The following RMDN1 variants were observed in gnomAD, a reference collection of about 807,000 sequenced individuals.
RMDN1 encodes regulator of microtubule dynamics protein 1.
A neutral mutation model predicts 48.9 loss-of-function variants in RMDN1; 48 were observed. That is an observed-to-expected ratio of 0.98 (90% CI 0.78 to 1.25). The LOEUF is 1.25. Ranked by LOEUF, RMDN1 falls within the 50% of genes most tolerant of loss-of-function variation. The probability of loss-of-function intolerance (pLI) is 0.00; values close to 1 mark genes in which losing one functional copy is unlikely to be tolerated. For synonymous variants in RMDN1, 148 were observed against 132.6 expected, an observed-to-expected ratio of 1.12 and a Z score of -0.80; for missense variants, 418 against 373.4, an observed-to-expected ratio of 1.12 and a Z score of -0.98.
At position 86,507,071 on chromosome 8, in the gene RMDN1, G is replaced by A. The variant is rs753065197; in HGVS notation, c.171C>T (p.Leu57=). ...CAAAACCCAAATACGACAAAGCTGA[G>A]AGTAAAAGGCCTCTTTTGAAAGTTC... ...NPGTFKRGLL[L]SALSYLGFET... Residue 57 remains leucine (L), a synonymous_variant, in exon 2 of 10, where the codon CTC becomes CTT. Transcript: ENST00000406452. 6.2e-7 allele frequency: 1 copy of A among 1,613,002 alleles called. No homozygotes were observed. The highest frequency in any genetic ancestry group is 1.7e-5 in the Admixed American group (1 of 60,016).
intron 2 of RMDN1, among the ~76,000 whole-genome samples, chr8:86,506,793 C>G (rs566178667): frequency 6.6e-6 from 1 of 152,168 alleles, no homozygotes; most frequent in Non-Finnish European, 1.5e-5. Flanking sequence ...TCCAACTTCA[C>G]GTCAACTTCT....
chr8:86,469,546 C>T (rs1812379217), downstream of RMDN1, among the ~76,000 whole-genome samples: 1 of 152,154 alleles, frequency 6.6e-6, no homozygotes, highest in South Asian at 2.1e-4. Context: ...TCAAAATTGT[C>T]CTGCTGGTGA....
chr8:86,487,342 G>A (rs1163628150), intron 3 of RMDN1, among the ~76,000 whole-genome samples: 1 of 152,160 alleles, frequency 6.6e-6, no homozygotes, highest in South Asian at 2.1e-4. Flanking sequence ...AGTGGCTCAC[G>A]CCTGTAATCC....
chr8:86,473,952 C>T lies in RMDN1; in HGVS notation c.*356G>A, dbSNP rs958823861. ...GAATCAATCCAATTTGAAAATCCAT[C>T]CCCCTGTATATCCCCTATAGATCCA... On this transcript the variant is annotated 3_prime_UTR_variant, in exon 10 of 10. Transcript: ENST00000406452. 5.5e-5 allele frequency: 56 copies of T among 1,013,720 alleles called. No homozygotes were observed. Among genetic ancestry groups the T allele is most frequent in the East Asian group, 9.6e-5 (1 of 10,464 alleles). 62.8% of individuals were successfully genotyped at this position (1,013,720 alleles called of 1,614,324 possible).
At chr8:86,477,242 A>G (rs1009361181) in intron 8 of RMDN1, 52 bp downstream of exon 8, 2 of 1,270,164 alleles carry the variant, frequency 1.6e-6, no homozygotes, top group Non-Finnish European at 2.2e-6. Flanking sequence ...GTATATATTC[A>G]GCATTCATAC....
At chr8:86,481,854 T>A (rs1814518041) in intron 5 of RMDN1, 1 of 749,970 alleles carries the variant, frequency 1.3e-6, no homozygotes, top group African/African-American at 1.8e-5. Flanking sequence ...TGGAGCAGTA[T>A]TTTTTTTTAA....
At chr8:86,511,920 T>C (rs1193434510), upstream of RMDN1, among the ~76,000 whole-genome samples, 2 of 151,830 alleles carry the variant, frequency 1.3e-5, no homozygotes, top group Non-Finnish European at 2.9e-5. Flanking sequence ...TCAAAATACA[T>C]AGGAGAAAGA....
chr8:86,502,605 CTT>C (rs1427278908), intron 2 of RMDN1, among the ~76,000 whole-genome samples: 3 of 152,104 alleles, frequency 2.0e-5, no homozygotes, highest in Non-Finnish European at 2.9e-5. Context: ...ATGGATTTTT[CTT>C]TTTTTCGCTT....
intron 2 of RMDN1, chr8:86,503,961 C>T (rs1265415446): frequency 1.3e-6 from 1 of 762,932 alleles, no homozygotes; most frequent in Admixed American, 1.7e-5. Flanking sequence ...TGGTTATTGG[C>T]CTCTTCTGTG....
rs1240404880 is a variant in RMDN1, at chr8:86,480,337, C to T, written c.586-5G>A. 2 of 1,492,728 alleles carry T rather than the reference C, an allele frequency of 1.3e-6. No individual in the cohort carries two copies. Among genetic ancestry groups the T allele is most frequent in the Non-Finnish European group, 1.8e-6 (2 of 1,095,402 alleles). 92.5% of individuals were successfully genotyped at this position (1,492,728 alleles called of 1,614,324 possible). A position where few individuals can be genotyped will look rare whatever the true frequency, so the allele number is the denominator to read the frequency against. On this transcript the variant is annotated splice_region_variant and splice_polypyrimidine_tract_variant and intron_variant, in intron 5 of 9. Coordinates refer to ENST00000406452, the MANE Select transcript of RMDN1 (RefSeq NM_016033.3). The stretch of plus-strand genomic sequence containing the variant: ...AGGGTTCAGTTCAATTGCTTTCTAA[C>T]AAGAAATGAGAAAAATAAATCATAT...
chr8:86,484,791 C>T (rs764584832), intron 5 of RMDN1, 81 bp downstream of exon 5: 34 of 683,718 alleles, frequency 5.0e-5, no homozygotes, highest in South Asian at 7.5e-5. Context: ...GTTTGATATA[C>T]AGCAATAGAT....
In RMDN1 at chr8:86,478,994, C is replaced by T. The variant is rs745911569; in HGVS notation, c.658G>A (p.Glu220Lys). Residue 220 changes from glutamate (E) to lysine (K), a missense_variant, in exon 7 of 10, where the codon GAA becomes AAA. By Grantham distance (56) the Glu-to-Lys change is moderately conservative. Coordinates refer to ENST00000406452, the MANE Select transcript of RMDN1 (RefSeq NM_016033.3). ...ATTCTTCTTTGATACCAAGGCATTT[C>T]GGCAAATGTATAGCACCTACAGGGA... ...LMGIWCYTFAEMPWYQRRIAK... is the reference protein window; with the variant it reads ...LMGIWCYTFAKMPWYQRRIAK... 3.1e-5 allele frequency: 50 copies of T among 1,613,496 alleles called. No individual in the cohort carries two copies. Among genetic ancestry groups the T allele is most frequent in the South Asian group, 4.4e-5 (4 of 91,062 alleles).
intron 8 of RMDN1, among the ~76,000 whole-genome samples, chr8:86,475,325 G>A (rs770244472): frequency 7.2e-5 from 11 of 152,092 alleles, no homozygotes; most frequent in Non-Finnish European, 1.2e-4. Context: ...GCCTACAACA[G>A]TGTGTGAAAC....
At chr8:86,508,221 T>C (rs2131371704) in intron 1 of RMDN1, 1 of 413,976 alleles carries the variant, frequency 2.4e-6, no homozygotes, top group South Asian at 4.8e-5. Context: ...CCGTCCTGTT[T>C]TACATTTCGC....
At chr8:86,504,267 G>T in intron 2 of RMDN1, 1 of 1,573,018 alleles carries the variant, frequency 6.4e-7, no homozygotes, top group South Asian at 1.1e-5. Flanking sequence ...TCCTCCAGCA[G>T]TTGTGGGGCA....
chr8:86,507,151 A>C (rs1194843308), intron 1 of RMDN1, 39 bp from the exon 2 acceptor site: 1 of 1,330,468 alleles, frequency 7.5e-7, no homozygotes, highest in Non-Finnish European at 1.1e-6. Flanking sequence ...AAACTTTGAA[A>C]ATTTGAAGGT....
chr8:86,503,274 C>T (rs759442979), intron 2 of RMDN1, among the ~76,000 whole-genome samples: 8 of 151,264 alleles, frequency 5.3e-5, no homozygotes, highest in Non-Finnish European at 1.2e-4. Flanking sequence ...ATGGCTAGAA[C>T]CTGGAAGGCA....
At chr8:86,470,189 A>G (rs1451752290), downstream of RMDN1, 1 of 1,289,084 alleles carries the variant, frequency 7.8e-7, no homozygotes, top group South Asian at 1.2e-5. Flanking sequence ...ATGTAATAAC[A>G]CTTAGAACAC....
chr8:86,470,034 A>AACTC, downstream of RMDN1: 1 of 428,500 alleles, frequency 2.3e-6, no homozygotes, highest in Non-Finnish European at 3.1e-6. Flanking sequence ...CATGATTAAA[A>AACTC]ACTCAGTTGA....
Sources: allele counts gnomAD v4.1 joint callset (sites outside exome capture counted in the v4.1 genomes callset), GRCh38; gene constraint gnomAD v4.1.1; transcripts MANE v1.5; gene names NCBI Gene and HGNC (gene_info 2026-07-23, HGNC 2026-07-21).